Variants in SORT1 observed in about 807,000 individuals in gnomAD.
The protein encoded by SORT1 is sortilin 1, also known as sortilin.
In SORT1, 39 loss-of-function variants were observed where a neutral mutation model predicts 101.7. The observed-to-expected ratio is 0.38, with a 90% CI of 0.30 to 0.50. The LOEUF (loss-of-function observed/expected upper bound fraction) is 0.50, where lower values mean the gene tolerates loss of function less well. Among genes scored for constraint, SORT1 ranks in the 20% least tolerant of loss-of-function variants. The pLI, the probability that SORT1 is intolerant of heterozygous loss-of-function variation, is 0.90. For synonymous variants in SORT1, 396 were observed against 393.7 expected (o/e 1.01, Z -0.07); for missense variants, 878 against 1,040.4 (o/e 0.84, Z 2.15).
At position 109,326,973 on chromosome 1, in the gene SORT1, G is replaced by T; in HGVS notation, c.1643+19C>A. 6.3e-7 allele frequency: 1 copy of T among 1,593,718 alleles called. No individual in the cohort carries two copies. The highest frequency in any genetic ancestry group is 8.6e-7 in the Non-Finnish European group (1 of 1,166,848). Reference sequence around the variant, plus strand: ...TGCCCTCTATGCAGACAGTGTGTGTGAGATGAGTTCATGCATACTTAATCA... The same window carrying T: ...TGCCCTCTATGCAGACAGTGTGTGTTAGATGAGTTCATGCATACTTAATCA... On this transcript the variant is annotated intron_variant, in intron 13 of 19. Coordinates refer to ENST00000256637, the MANE Select transcript of SORT1 (RefSeq NM_002959.7).
Position 109,318,155 on chromosome 1 carries a change from C to T in SORT1, c.2025-186G>A, listed in dbSNP as rs904109019. ...TTAGGAAAACAGACACGGAGAGGGCCTTTTTTTTTTTTTTTTGAGATGGAG... is the reference window on the plus strand; with the variant it reads ...TTAGGAAAACAGACACGGAGAGGGCTTTTTTTTTTTTTTTTTGAGATGGAG... On this transcript the variant is annotated intron_variant, in intron 15 of 19. Coordinates refer to ENST00000256637, the MANE Select transcript of SORT1 (RefSeq NM_002959.7). Among the ~76,000 whole-genome samples, 64 of 136,628 alleles carry T rather than the reference C, an allele frequency of 4.7e-4. 1 individual carries two copies. The highest frequency in any genetic ancestry group is 1.4e-4 in the Non-Finnish European group (9 of 62,738). 89.6% of individuals were successfully genotyped at this position (136,628 alleles called of 152,430 possible). A position where few individuals can be genotyped will look rare whatever the true frequency, so the allele number is the denominator to read the frequency against.
At chr1:109,359,429 C>T (rs1650567126) in intron 3 of SORT1, among the ~76,000 whole-genome samples, 1 of 152,184 alleles carries the variant, frequency 6.6e-6, no homozygotes, top group East Asian at 1.9e-4. Flanking sequence ...CCACTCCATT[C>T]CTCCAAACTC....
intron 1 of SORT1, among the ~76,000 whole-genome samples, chr1:109,374,959 AAAAC>A (rs1327005016): frequency 6.6e-6 from 1 of 152,226 alleles, no homozygotes; most frequent in South Asian, 2.1e-4. Context: ...CTCCGTCTCA[AAAAC>A]AAACAAACAA....
intron 1 of SORT1, among the ~76,000 whole-genome samples, chr1:109,380,813 C>CAAAAAAAAAA (rs60568166): frequency 4.1e-5 from 2 of 49,222 alleles, no homozygotes; most frequent in African/African-American, 1.9e-4. Context: ...CCTGTCGCCA[C>CAAAAAAAAAA]AAAAAAAAAA....
At chr1:109,332,271 G>A (rs1477391876) in intron 11 of SORT1, among the ~76,000 whole-genome samples, 1 of 152,182 alleles carries the variant, frequency 6.6e-6, no homozygotes, top group Non-Finnish European at 1.5e-5. Context: ...TTCAGGCACT[G>A]TTTTAGGTAC....
chr1:109,376,500 C>T (rs984889159), intron 1 of SORT1, among the ~76,000 whole-genome samples: 1 of 143,750 alleles, frequency 7.0e-6, no homozygotes, highest in African/African-American at 2.5e-5. Context: ...AACCTAGGTG[C>T]CCATCAGCAG....
At chr1:109,380,603 T>C (rs898648552) in intron 1 of SORT1, among the ~76,000 whole-genome samples, 3 of 150,962 alleles carry the variant, frequency 2.0e-5, no homozygotes, top group African/African-American at 4.9e-5. Context: ...TTTCGGAAAA[T>C]AGGGAAAGAA....
chr1:109,332,519 A>G (rs1332176012), intron 11 of SORT1, among the ~76,000 whole-genome samples: 1 of 152,172 alleles, frequency 6.6e-6, no homozygotes, highest in Non-Finnish European at 1.5e-5. Context: ...GCAGTGACCT[A>G]TGATTATTCC....
intron 13 of SORT1, among the ~76,000 whole-genome samples, chr1:109,325,596 AGAG>A (rs1378332867): frequency 2.0e-5 from 3 of 152,166 alleles, no homozygotes; most frequent in Admixed American, 1.3e-4. Flanking sequence ...ATTTGTTCAG[AGAG>A]AATATGAAAG....
chr1:109,388,149 C>G (rs1196064631), intron 1 of SORT1, among the ~76,000 whole-genome samples: 1 of 151,870 alleles, frequency 6.6e-6, no homozygotes. Context: ...TGTCCTATAG[C>G]TTTGAACTCC....
At chr1:109,374,216 C>T (rs1376546379) in intron 1 of SORT1, among the ~76,000 whole-genome samples, 1 of 152,108 alleles carries the variant, frequency 6.6e-6, no homozygotes, top group East Asian at 1.9e-4. Context: ...ACAGTTGTAA[C>T]TGTACTCCAC....
Position 109,320,749 on chromosome 1 carries a change from C to T in SORT1, c.2024+2183G>A, listed in dbSNP as rs539328442. On this transcript the variant is annotated intron_variant, in intron 15 of 19. Coordinates refer to ENST00000256637, the MANE Select transcript of SORT1 (RefSeq NM_002959.7). ...TTCCATTATCACTTTTCATTACCTGCGCATAGCTGGTATTCAATGAGTATT... is the reference window on the plus strand; with the variant it reads ...TTCCATTATCACTTTTCATTACCTGTGCATAGCTGGTATTCAATGAGTATT... Among the ~76,000 whole-genome samples the T allele has an allele frequency of 9.8e-4, 150 of 152,288 alleles. 2 individuals carry two copies. In the South Asian group the frequency reaches 0.018, roughly 18 times the overall value.
At position 109,350,980 on chromosome 1, in the gene SORT1, T is replaced by C; in HGVS notation, c.731A>G (p.Asn244Ser). 6.2e-7 allele frequency: 1 copy of C among 1,612,374 alleles called. No homozygotes were observed. Among genetic ancestry groups the C allele is most frequent in the Non-Finnish European group, 8.5e-7 (1 of 1,178,320 alleles). ...STENGLWVSK[N>S]FGGKWEEIHK... ...GATTTCTTCCCATTTTCCCCCAAAA[T>C]TCTTGGACACCCACAGGCCATTCTG... The change falls in exon 6 of 20, where the codon AAT (asparagine) becomes AGT (serine). Residue 244 changes from asparagine (N) to serine (S), a missense_variant. Coordinates refer to ENST00000256637, the MANE Select transcript of SORT1 (RefSeq NM_002959.7).
intron 3 of SORT1, among the ~76,000 whole-genome samples, chr1:109,365,155 A>T (rs192314313): frequency 6.6e-6 from 1 of 152,360 alleles, no homozygotes; most frequent in African/African-American, 2.4e-5. Context: ...TAAAATTTTC[A>T]AATGTCCTAT....
At chr1:109,352,741 C>G (rs1650047797) in intron 5 of SORT1, among the ~76,000 whole-genome samples, 1 of 152,198 alleles carries the variant, frequency 6.6e-6, no homozygotes, top group Non-Finnish European at 1.5e-5. Flanking sequence ...GGTCCCTCTT[C>G]TCCATCCCAA....
At chr1:109,359,007 A>T (rs1270305229) in intron 3 of SORT1, among the ~76,000 whole-genome samples, 1 of 152,246 alleles carries the variant, frequency 6.6e-6, no homozygotes, top group Non-Finnish European at 1.5e-5. Flanking sequence ...ATAATGCTAA[A>T]ATACAAATAT....
Position 109,397,849 on chromosome 1 carries a change from G to A in SORT1, c.44C>T (p.Pro15Leu), listed in dbSNP as rs540491066. The A allele has an allele frequency of 1.2e-5, 15 of 1,292,640 alleles. No homozygotes were observed. In the African/African-American group the frequency reaches 1.7e-4, roughly 15 times the overall value. The allele number at this position is 1,292,640 out of a possible 1,614,324, so 80.1% of individuals were successfully genotyped here. ...GAGGAGGAGGAGGCCGAGGCCATGG[G>A]GCCAGCGCGAGAGGCCGTCCGCAGC... ...WGAADGLSRW[P>L]HGLGLLLLLQ... Residue 15 changes from proline to leucine, a missense_variant, in exon 1 of 20, where the codon CCC becomes CTC. By Grantham distance (98) the Pro-to-Leu change is moderately conservative. Coordinates refer to ENST00000256637, the MANE Select transcript of SORT1 (RefSeq NM_002959.7).
intron 3 of SORT1, among the ~76,000 whole-genome samples, chr1:109,357,106 A>G (rs1428616085): frequency 6.6e-6 from 1 of 152,250 alleles, no homozygotes; most frequent in African/African-American, 2.4e-5. Flanking sequence ...GTTTAAATAT[A>G]CAGATACTTA....
intron 15 of SORT1, among the ~76,000 whole-genome samples, chr1:109,320,471 A>G (rs761492242): frequency 6.6e-6 from 1 of 152,032 alleles, no homozygotes; most frequent in Non-Finnish European, 1.5e-5. Context: ...TGACTTCCCC[A>G]ATGGCCTATC....
Sources: gnomAD v4.1 joint callset for allele counts (sites outside exome capture counted in the v4.1 genomes callset) on GRCh38, gnomAD v4.1.1 for gene constraint, MANE v1.5 for transcripts, NCBI Gene and HGNC (gene_info 2026-07-23, HGNC 2026-07-21) for gene names.